EHD4: variants seen among roughly 807,000 people sequenced by gnomAD.
The protein encoded by EHD4 is EH domain containing 4.
In EHD4, 37 loss-of-function variants were observed where a neutral mutation model predicts 51.0. That is an observed-to-expected ratio of 0.73 (90% CI 0.56 to 0.95). The LOEUF (loss-of-function observed/expected upper bound fraction) is 0.95. EHD4 is among the 40% of genes least tolerant of loss of function. The pLI is 0.00. For missense variants in EHD4, 632 were observed against 733.1 expected, an observed-to-expected ratio of 0.86 and a Z score of 1.59; for synonymous variants, 297 against 317.3, an observed-to-expected ratio of 0.94 and a Z score of 0.68.
intron 1 of EHD4, among the ~76,000 whole-genome samples, chr15:41,969,585 A>G (rs1440590923): frequency 2.0e-5 from 3 of 152,062 alleles, no homozygotes; most frequent in African/African-American, 7.3e-5. Flanking sequence ...TTTCAAATGG[A>G]CTTCATACTT....
intron 1 of EHD4, among the ~76,000 whole-genome samples, chr15:41,955,240 C>T (rs1051450508): frequency 6.6e-6 from 1 of 151,978 alleles, no homozygotes; most frequent in Non-Finnish European, 1.5e-5. Flanking sequence ...ACATTACCCT[C>T]GTTTTATTTA....
At chr15:41,949,443 A>G (rs1475907591) in intron 2 of EHD4, among the ~76,000 whole-genome samples, 1 of 152,140 alleles carries the variant, frequency 6.6e-6, no homozygotes, top group Non-Finnish European at 1.5e-5. Context: ...AATTACAAAT[A>G]CAGAAGTAAC....
chr15:41,952,115 G>A (rs984365860), intron 2 of EHD4, among the ~76,000 whole-genome samples: 8 of 152,226 alleles, frequency 5.3e-5, no homozygotes, highest in Admixed American at 2.6e-4. Flanking sequence ...AGGCACCTGC[G>A]GAGGGGCCTG....
At chr15:41,936,845 T>C (rs574552568) in intron 3 of EHD4, among the ~76,000 whole-genome samples, 1 of 152,250 alleles carries the variant, frequency 6.6e-6, no homozygotes, top group South Asian at 2.1e-4. Flanking sequence ...TCTGGATGCG[T>C]TTGTCAAAAC....
chr15:41,969,494 C>T (rs550559011), intron 1 of EHD4, among the ~76,000 whole-genome samples: 1 of 151,876 alleles, frequency 6.6e-6, no homozygotes, highest in Non-Finnish European at 1.5e-5. Context: ...TGCGGTGAGC[C>T]GAGATCATGC....
intron 3 of EHD4, among the ~76,000 whole-genome samples, chr15:41,925,122 C>T (rs921052367): frequency 6.7e-6 from 1 of 149,080 alleles, no homozygotes; most frequent in Non-Finnish European, 1.5e-5. Flanking sequence ...ACTTAAAAAG[C>T]AAAAGTAAAT....
chr15:41,903,490 A>ACACT (rs2067492759), intron 5 of EHD4, among the ~76,000 whole-genome samples: 1 of 149,092 alleles, frequency 6.7e-6, no homozygotes, highest in Admixed American at 6.7e-5. Context: ...ACACACACAC[A>ACACT]CTGAAACAAT....
chr15:41,964,920 C>T (rs1375821662), intron 1 of EHD4, among the ~76,000 whole-genome samples: 1 of 152,004 alleles, frequency 6.6e-6, no homozygotes, highest in Non-Finnish European at 1.5e-5. Flanking sequence ...TACAGGCATG[C>T]ACCACCATGT....
chr15:41,948,015 G>A (rs1054060737), intron 2 of EHD4, among the ~76,000 whole-genome samples: 1 of 118,756 alleles, frequency 8.4e-6, no homozygotes, highest in South Asian at 2.2e-4. Context: ...CCAGCACTTT[G>A]GGAGGCCAAG....
intron 3 of EHD4, among the ~76,000 whole-genome samples, chr15:41,932,567 T>C (rs893481194): frequency 6.6e-6 from 1 of 152,132 alleles, no homozygotes; most frequent in African/African-American, 2.4e-5. Context: ...GGAGGTTTCT[T>C]GAGGAAACTG....
chr15:41,905,690 T>C (rs1299009421), intron 5 of EHD4, among the ~76,000 whole-genome samples: 1 of 152,234 alleles, frequency 6.6e-6, no homozygotes, highest in African/African-American at 2.4e-5. Flanking sequence ...TTTCTGTTTT[T>C]TGACAGGGTC....
chr15:41,934,461 C>T (rs866283549), intron 3 of EHD4, among the ~76,000 whole-genome samples: 5 of 152,154 alleles, frequency 3.3e-5, no homozygotes, highest in South Asian at 2.1e-4. Context: ...ACTACGAGAA[C>T]ACACCACCAC....
At chr15:41,953,742 A>T in intron 2 of EHD4, 22 bp downstream of exon 2, 1 of 1,572,324 alleles carries the variant, frequency 6.4e-7, no homozygotes, top group Non-Finnish European at 8.6e-7. Flanking sequence ...CTGACCGAAG[A>T]TGGCAGCTTG....
chr15:41,935,221 G>A (rs2067724010), intron 3 of EHD4, among the ~76,000 whole-genome samples: 1 of 152,106 alleles, frequency 6.6e-6, no homozygotes, highest in East Asian at 1.9e-4. Flanking sequence ...CTCCCTGACT[G>A]CCCACCCCTT....
At chr15:41,914,818 C>T (rs2412652) in intron 4 of EHD4, among the ~76,000 whole-genome samples, 37,492 of 141,912 alleles carry the variant, frequency 0.26, 5,562 homozygotes, top group Admixed American at 0.38. Context: ...TGGAGTCTTG[C>T]TTTGTCGCCC....
At position 41,909,085 on chromosome 15, in the gene EHD4, C is replaced by G. The variant is rs78585189; in HGVS notation, c.1089+614G>C. Among the ~76,000 whole-genome samples the G allele has an allele frequency of 3.5e-3, 540 of 152,330 alleles. 4 individuals are homozygous for G. Among genetic ancestry groups the G allele is most frequent in the African/African-American group, 0.013 (530 of 41,586 alleles). On this transcript the variant is annotated intron_variant, in intron 5 of 5. Transcript: ENST00000220325. ...CAGCAGTGCAGAGAGGTAGATATGCCGGTCAGGGCAGGACGGCTGAATGCA... is the reference window on the plus strand; with the variant it reads ...CAGCAGTGCAGAGAGGTAGATATGCGGGTCAGGGCAGGACGGCTGAATGCA...
intron 4 of EHD4, among the ~76,000 whole-genome samples, chr15:41,917,894 G>A (rs1205072995): frequency 6.6e-6 from 1 of 152,210 alleles, no homozygotes; most frequent in Non-Finnish European, 1.5e-5. Context: ...CAGGTTAGCT[G>A]AGCCATATGG....
At chr15:41,932,840 C>T (rs1295421827) in intron 3 of EHD4, among the ~76,000 whole-genome samples, 1 of 152,160 alleles carries the variant, frequency 6.6e-6, no homozygotes, top group African/African-American at 2.4e-5. Flanking sequence ...TGTCTGAGTC[C>T]CAGGACTCGG....
chr15:41,942,008 A>G (rs2067774854), intron 3 of EHD4: 1 of 152,300 alleles, frequency 6.6e-6, no homozygotes. Flanking sequence ...AAGAGTTCTC[A>G]GCCAGAAGTG....
Sources: gnomAD v4.1 joint callset for allele counts (sites outside exome capture counted in the v4.1 genomes callset) on GRCh38, gnomAD v4.1.1 for gene constraint, MANE v1.5 for transcripts, NCBI Gene and HGNC (gene_info 2026-07-23, HGNC 2026-07-21) for gene names.